Variants in ALG1L2 observed in about 807,000 individuals in gnomAD.
ALG1L2 encodes the protein ALG1 chitobiosyldiphosphodolichol beta-mannosyltransferase like 2.
Under a neutral mutation model 29.0 loss-of-function variants are expected in ALG1L2, and 32 were observed. The ratio of observed to expected loss-of-function variants is 1.10; its 90% CI spans 0.83 to 1.48. The LOEUF (loss-of-function observed/expected upper bound fraction) is 1.48. Among genes scored for constraint, ALG1L2 ranks in the 40% most tolerant of loss-of-function variants. ALG1L2 has a pLI of 0.00. For missense variants in ALG1L2, 318 were observed against 274.1 expected (o/e 1.16, Z -1.13); for synonymous variants, 110 against 109.5 (o/e 1.00, Z -0.03).
At chr3:130,087,240 G>A (rs137868027) in intron 1 of ALG1L2, among the ~76,000 whole-genome samples, 5,139 of 145,440 alleles carry the variant, frequency 0.035, 33 homozygotes, top group African/African-American at 0.13. Context: ...CACCATTGCT[G>A]TGATAGTCCC....
chr3:130,097,165 C>T lies in ALG1L2; in HGVS notation c.540-10C>T. 6.2e-7 allele frequency: 1 copy of T among 1,611,872 alleles called. No individual in the cohort carries two copies. The highest frequency in any genetic ancestry group is 8.5e-7 in the Non-Finnish European group (1 of 1,179,744). On this transcript the variant is annotated splice_polypyrimidine_tract_variant and intron_variant, in intron 6 of 7. Coordinates refer to ENST00000425059, the MANE Select transcript of ALG1L2 (RefSeq NM_001136152.1). The stretch of plus-strand genomic sequence containing the variant: ...AGGAAACTCTCGGGCTCCTTTTGTT[C>T]TCTCTGCAGTTTACATGAGCTGGTG...
At chr3:130,098,076 G>C (rs891308093) in intron 7 of ALG1L2, 147 bp from the exon 8 acceptor site, 27 of 1,098,560 alleles carry the variant, frequency 2.5e-5, no homozygotes, top group Non-Finnish European at 3.3e-5. Flanking sequence ...TGGAGGCGGA[G>C]CGCTGCTGGG....
At chr3:130,095,429 T>TATTATA (rs1935109628) in intron 5 of ALG1L2, among the ~76,000 whole-genome samples, 1 of 149,526 alleles carries the variant, frequency 6.7e-6, no homozygotes, top group Non-Finnish European at 1.5e-5. Flanking sequence ...TTATTATTAT[T>TATTATA]ATTATTATTA....
intron 4 of ALG1L2, chr3:130,094,167 G>C: frequency 1.8e-6 from 1 of 555,280 alleles, no homozygotes; most frequent in Non-Finnish European, 3.2e-6. Context: ...TTTGCAGCCC[G>C]AGGCCAGCTG....
At chr3:130,094,346 G>A (rs1577329467) in intron 4 of ALG1L2, 57 bp from the exon 5 acceptor site, 9 of 1,564,902 alleles carry the variant, frequency 5.8e-6, no homozygotes, top group East Asian at 4.5e-5. Context: ...TTGGGCCTGG[G>A]GCTATGTGGC....
intron 5 of ALG1L2, 130 bp from the exon 6 acceptor site, chr3:130,095,919 T>A: frequency 1.1e-6 from 1 of 931,864 alleles, no homozygotes; most frequent in Non-Finnish European, 1.7e-6. Flanking sequence ...TTAAGCCACT[T>A]GTGGTTGGGG....
intron 1 of ALG1L2, among the ~76,000 whole-genome samples, chr3:130,088,287 C>A (rs1023928809): frequency 6.6e-6 from 1 of 152,310 alleles, no homozygotes; most frequent in East Asian, 1.9e-4. Context: ...TGTGTCCCCA[C>A]CCAAATCTCT....
At chr3:130,095,590 T>C (rs2108123934) in intron 5 of ALG1L2, among the ~76,000 whole-genome samples, 1 of 151,522 alleles carries the variant, frequency 6.6e-6, no homozygotes, top group East Asian at 2.0e-4. Context: ...GCACCTGCCA[T>C]GACGCTTCGC....
chr3:130,093,098 C>T lies in ALG1L2; in HGVS notation c.254-3C>T. On this transcript the variant is annotated splice_polypyrimidine_tract_variant and splice_region_variant and intron_variant, in intron 3 of 7. Transcript: ENST00000425059. Reference sequence around the variant, plus strand: ...GTAGAATTGTTTCTTTTTTTAAACACAGAGTTTGAACAACTGACTCTTGAC... The same window carrying T: ...GTAGAATTGTTTCTTTTTTTAAACATAGAGTTTGAACAACTGACTCTTGAC... 6.3e-7 allele frequency: 1 copy of T among 1,574,926 alleles called. No individual in the cohort carries two copies. The highest frequency in any genetic ancestry group is 1.1e-5 in the South Asian group (1 of 88,102).
intron 1 of ALG1L2, among the ~76,000 whole-genome samples, chr3:130,086,552 C>T: frequency 6.7e-6 from 1 of 148,574 alleles, no homozygotes; most frequent in East Asian, 1.9e-4. Context: ...TGGTGCACAC[C>T]TGTAGTCCCA....
chr3:130,095,113 T>A (rs917476611), intron 5 of ALG1L2, among the ~76,000 whole-genome samples: 29 of 152,154 alleles, frequency 1.9e-4, no homozygotes, highest in African/African-American at 7.0e-4. Flanking sequence ...ATGCAACCTC[T>A]GCCTCCTGGG....
At chr3:130,088,780 G>A (rs1033509198) in intron 1 of ALG1L2, among the ~76,000 whole-genome samples, 1 of 152,304 alleles carries the variant, frequency 6.6e-6, no homozygotes, top group Non-Finnish European at 1.5e-5. Flanking sequence ...TGCCATGTAA[G>A]ATGTGACTTT....
At chr3:130,086,616 G>T (rs1934895198) in intron 1 of ALG1L2, among the ~76,000 whole-genome samples, 1 of 149,394 alleles carries the variant, frequency 6.7e-6, no homozygotes, top group South Asian at 2.1e-4. Flanking sequence ...GGTCAAGGCT[G>T]CAGTGACCTA....
chr3:130,086,668 C>T (rs1934896155), intron 1 of ALG1L2, among the ~76,000 whole-genome samples: 1 of 142,032 alleles, frequency 7.0e-6, no homozygotes, highest in Non-Finnish European at 1.6e-5. Context: ...CAGAGCAAGG[C>T]CCTGTCTCTA....
chr3:130,085,621 G>C (rs1358012586), intron 1 of ALG1L2, among the ~76,000 whole-genome samples: 1 of 151,374 alleles, frequency 6.6e-6, no homozygotes, highest in African/African-American at 2.4e-5. Flanking sequence ...CCTTTGTAAT[G>C]ACTATCTCCA....
chr3:130,086,176 G>A (rs1934887516), intron 1 of ALG1L2, among the ~76,000 whole-genome samples: 1 of 151,278 alleles, frequency 6.6e-6, no homozygotes, highest in South Asian at 2.1e-4. Flanking sequence ...TAATCTGTGG[G>A]TAAAAAGGCC....
At position 130,092,172 on chromosome 3, in the gene ALG1L2, C is replaced by G. The variant is rs183887858; in HGVS notation, c.203C>G (p.Thr68Arg). 6.2e-7 allele frequency: 1 copy of G among 1,612,922 alleles called. No individual in the cohort carries two copies. Among genetic ancestry groups the G allele is most frequent in the Admixed American group, 1.7e-5 (1 of 59,960 alleles). ...TERDSGSGLVTRLHERPALLV... is the reference protein window; with the variant it reads ...TERDSGSGLVRRLHERPALLV... ...CGGGATTCTGGGAGCGGGCTGGTGA[C>G]GCGTCTCCACGAGCGGCCAGCCCTG... Residue 68 changes from threonine to arginine, a missense_variant, in exon 3 of 8, where the codon ACG becomes AGG. Physicochemically the swap from Thr to Arg is moderately conservative, Grantham distance 71. Transcript: ENST00000425059.
intron 1 of ALG1L2, among the ~76,000 whole-genome samples, chr3:130,084,671 A>G (rs1407515844): frequency 7.6e-6 from 1 of 130,736 alleles, no homozygotes; most frequent in African/African-American, 2.6e-5. Flanking sequence ...ATGGCTTAGA[A>G]CTACAGAAAT....
chr3:130,095,073 T>G (rs1413203453), intron 5 of ALG1L2, among the ~76,000 whole-genome samples: 2 of 152,220 alleles, frequency 1.3e-5, no homozygotes, highest in African/African-American at 4.8e-5. Context: ...CTTGCTCCGT[T>G]GCCTAGGTTG....
Sources: gnomAD v4.1 joint callset for allele counts (sites outside exome capture counted in the v4.1 genomes callset) on GRCh38, gnomAD v4.1.1 for gene constraint, MANE v1.5 for transcripts, NCBI Gene and HGNC (gene_info 2026-07-23, HGNC 2026-07-21) for gene names.